Variants in ABCA13 observed in about 807,000 individuals in gnomAD.
ABCA13 encodes ATP binding cassette subfamily A member 13.
A neutral mutation model predicts 478.7 loss-of-function variants in ABCA13; 476 were observed. That is an observed-to-expected ratio of 0.99 (90% CI 0.92 to 1.07). ABCA13 has a LOEUF of 1.07. Among genes scored for constraint, ABCA13 ranks in the 50% least tolerant of loss-of-function variants. The probability of loss-of-function intolerance (pLI) is 0.00; values close to 1 mark genes in which losing one functional copy is unlikely to be tolerated. For missense variants in ABCA13, 6,060 were observed against 5,910.6 expected (o/e 1.03, Z -0.83); for synonymous variants, 2,252 against 2,158.9 (o/e 1.04, Z -1.20).
At chr7:48,321,424 A>C in intron 27 of ABCA13, among the ~76,000 whole-genome samples, 1 of 152,148 alleles carries the variant, frequency 6.6e-6, no homozygotes, top group Non-Finnish European at 1.5e-5. Context: ...TCTACTGGTG[A>C]TGGTCCCAAA....
intron 35 of ABCA13, among the ~76,000 whole-genome samples, chr7:48,384,645 A>G (rs912655450): frequency 6.6e-6 from 1 of 152,168 alleles, no homozygotes; most frequent in Non-Finnish European, 1.5e-5. Context: ...TCCTCTTCCT[A>G]CAGAGGGATG....
intron 15 of ABCA13, among the ~76,000 whole-genome samples, chr7:48,254,320 GT>G (rs778728737): frequency 2.0e-5 from 3 of 152,012 alleles, no homozygotes; most frequent in South Asian, 4.1e-4. Flanking sequence ...GTGGAATGCA[GT>G]GGTACAACCA....
intron 60 of ABCA13, 82 bp downstream of exon 60, chr7:48,643,475 C>A: frequency 8.0e-7 from 1 of 1,245,740 alleles, no homozygotes; most frequent in Non-Finnish European, 1.2e-6. Context: ...TGTTTTTATT[C>A]TATGCTGTTA....
chr7:48,560,619 G>A (rs1368623940), intron 55 of ABCA13, among the ~76,000 whole-genome samples: 5 of 152,096 alleles, frequency 3.3e-5, no homozygotes, highest in Admixed American at 3.3e-4. Flanking sequence ...CACCTCTATT[G>A]TGATTTTTGA....
rs530287474 is a variant in ABCA13 at position 48,587,265 on chromosome 7, G to A, written c.14617G>A (p.Gly4873Arg). The change falls in exon 57 of 62, where the codon GGG becomes AGG. Residue 4873 changes from glycine to arginine, a missense_variant. By Grantham distance (125) the Gly-to-Arg change is moderately radical. Coordinates refer to ENST00000435803, the MANE Select transcript of ABCA13 (RefSeq NM_152701.5). Reference protein sequence around the residue: ...RKLSTALALVGKPDILLLDEP... With the variant: ...RKLSTALALVRKPDILLLDEP... The stretch of plus-strand genomic sequence containing the variant: ...ACTCTCTACAGCCCTGGCCCTGGTG[G>A]GGAAACCTGACATTCTTTTATTGGT... 7 of 1,609,396 alleles carry A rather than the reference G, an allele frequency of 4.3e-6. No individual in the cohort carries two copies. In the African/African-American group the frequency reaches 6.7e-5, roughly 15 times the overall value.
At chr7:48,436,888 T>C (rs1822914515) in intron 42 of ABCA13, among the ~76,000 whole-genome samples, 1 of 151,948 alleles carries the variant, frequency 6.6e-6, no homozygotes, top group African/African-American at 2.4e-5. Context: ...ATACATTTTG[T>C]GTGATTTCAA....
chr7:48,255,433 A>T (rs954598848), intron 15 of ABCA13, among the ~76,000 whole-genome samples: 2 of 152,022 alleles, frequency 1.3e-5, no homozygotes, highest in African/African-American at 4.8e-5. Flanking sequence ...AGTATCCAAT[A>T]GTTAGTTTTT....
At chr7:48,416,441 C>G (rs1819997425) in intron 41 of ABCA13, among the ~76,000 whole-genome samples, 1 of 152,154 alleles carries the variant, frequency 6.6e-6, no homozygotes, top group African/African-American at 2.4e-5. Context: ...CATTCTTGAC[C>G]ATGCATGGTG....
Position 48,314,377 on chromosome 7 carries a change from A to C in ABCA13, c.9827A>C (p.Asp3276Ala), listed in dbSNP as rs752517374. Residue 3276 changes from aspartate (D) to alanine (A), a missense_variant, in exon 26 of 62, where the codon GAC becomes GCC. Physicochemically the swap from Asp to Ala is moderately radical, Grantham distance 126. Around this residue, in one of 3 missense-constraint regions of ABCA13, gnomAD observed 4,423 missense variants for 4,309.1 expected, o/e 1.03. Transcript: ENST00000435803. Reference sequence around the variant, plus strand: ...AGAGTTAAGGAACTCTTGGAAGATGACAAAGAAAAATTCAACATTCCTGAA... The same window carrying C: ...AGAGTTAAGGAACTCTTGGAAGATGCCAAAGAAAAATTCAACATTCCTGAA... ...LPRVKELLED[D>A]KEKFNIPEDS... 6.2e-7 allele frequency: 1 copy of C among 1,602,210 alleles called. No homozygotes were observed. Among genetic ancestry groups the C allele is most frequent in the Non-Finnish European group, 8.5e-7 (1 of 1,173,664 alleles).
chr7:48,217,299 G>A (rs1341076401), intron 3 of ABCA13, among the ~76,000 whole-genome samples: 1 of 152,200 alleles, frequency 6.6e-6, no homozygotes, highest in East Asian at 1.9e-4. Context: ...GATCTGCTTA[G>A]AGATAATTCT....
intron 27 of ABCA13, among the ~76,000 whole-genome samples, chr7:48,328,931 G>A (rs1303864445): frequency 6.6e-6 from 1 of 152,066 alleles, no homozygotes; most frequent in Non-Finnish European, 1.5e-5. Context: ...ATTGCTGTTG[G>A]GAGTGTATTC....
Position 48,227,724 on chromosome 7 carries a change from G to A in ABCA13, c.632+299G>A, listed in dbSNP as rs376282008. 6.6e-5 allele frequency among the ~76,000 whole-genome samples: 10 copies of A among 152,272 alleles called. No homozygotes were observed. The East Asian group carries it at 1.9e-3, about 29-fold the overall frequency. ...TAAATGGCCAGTTTTAATGGCTGCA[G>A]CATATATCATTCTGGTAAAGTACTA... On this transcript the variant is annotated intron_variant, in intron 6 of 61. Coordinates refer to ENST00000435803, the MANE Select transcript of ABCA13 (RefSeq NM_152701.5).
chr7:48,395,762 G>A (rs531119833), intron 38 of ABCA13, among the ~76,000 whole-genome samples: 3 of 152,268 alleles, frequency 2.0e-5, no homozygotes, highest in African/African-American at 7.2e-5. Flanking sequence ...CTCATTGTAA[G>A]CATACAGCAT....
intron 27 of ABCA13, among the ~76,000 whole-genome samples, chr7:48,332,340 C>T (rs547694724): frequency 5.0e-4 from 76 of 152,290 alleles, no homozygotes; most frequent in African/African-American, 1.7e-3. Flanking sequence ...TTACAAAGAA[C>T]GTCTGGCTCT....
In ABCA13 at chr7:48,280,264, T is replaced by C. The variant is rs1796859780; in HGVS notation, c.8726+344T>C. 2.6e-5 allele frequency among the ~76,000 whole-genome samples: 4 copies of C among 152,226 alleles called. No homozygotes were observed. The South Asian group carries it at 8.3e-4, about 32-fold the overall frequency. ...TATCCTCTGGCAGCCAAGGGTCCTA[T>C]GACTCAGTATACACACAAGAACATG... is the stretch of plus-strand genomic sequence containing the variant. On this transcript the variant is annotated intron_variant, in intron 18 of 61. Coordinates refer to ENST00000435803, the MANE Select transcript of ABCA13 (RefSeq NM_152701.5).
intron 8 of ABCA13, 41 bp from the exon 9 acceptor site, chr7:48,239,200 A>G (rs1425930136): frequency 6.2e-7 from 1 of 1,605,256 alleles, no homozygotes; most frequent in Non-Finnish European, 8.5e-7. Context: ...GGTTCTAGGA[A>G]AGGAGCTTTA....
chr7:48,220,961 C>G (rs1245812588), intron 4 of ABCA13, among the ~76,000 whole-genome samples: 1 of 151,730 alleles, frequency 6.6e-6, no homozygotes, highest in East Asian at 1.9e-4. Context: ...CATTTATTCC[C>G]TCTCTCCTAT....
chr7:48,231,997 G>T (rs7789339), intron 7 of ABCA13, among the ~76,000 whole-genome samples: 50,252 of 151,902 alleles, frequency 0.33, 8,774 homozygotes, highest in Middle Eastern at 0.37. Context: ...TATACACAGA[G>T]ATTTCTACAA....
At chr7:48,529,153 T>C (rs1432989480) in intron 55 of ABCA13, among the ~76,000 whole-genome samples, 1 of 152,232 alleles carries the variant, frequency 6.6e-6, no homozygotes, top group African/African-American at 2.4e-5. Context: ...ATGTTAATGA[T>C]GTTTCTCTCT....
Sources: allele counts gnomAD v4.1 joint callset (sites outside exome capture counted in the v4.1 genomes callset), GRCh38; gene constraint gnomAD v4.1.1; regional missense constraint gnomAD v4.1.1; transcripts MANE v1.5; gene names NCBI Gene and HGNC (gene_info 2026-07-23, HGNC 2026-07-21).